Variants in LRRC53 observed in about 807,000 individuals in gnomAD.
The protein encoded by LRRC53 is leucine rich repeat containing 53.
LRRC53 carries 25 observed loss-of-function variants against 13.6 expected under a neutral mutation model. The ratio of observed to expected loss-of-function variants is 1.83; its 90% confidence interval spans 1.34 to 2.56. The LOEUF is 2.56. Ranked by LOEUF, LRRC53 falls within the 30% of genes most tolerant of loss-of-function variation. The pLI is 0.00. For missense variants in LRRC53, 527 were observed against 275.8 expected (o/e 1.91, Z -6.45); for synonymous variants, 204 against 109.8 (o/e 1.86, Z -5.37).
chr1:74,491,050 G>A (rs758280339), intron 1 of LRRC53, among the ~76,000 whole-genome samples: 1 of 152,164 alleles, frequency 6.6e-6, no homozygotes, highest in Non-Finnish European at 1.5e-5. Flanking sequence ...GTGGTATCCA[G>A]TTGTGTCTGT....
chr1:74,498,727 T>G (rs72977490), intron 1 of LRRC53, among the ~76,000 whole-genome samples: 2 of 151,936 alleles, frequency 1.3e-5, no homozygotes, highest in African/African-American at 4.8e-5. Flanking sequence ...TTTCCAGTCT[T>G]CCCCCCGACT....
intron 1 of LRRC53, among the ~76,000 whole-genome samples, chr1:74,509,589 T>A (rs140528499): frequency 1.3e-5 from 2 of 152,088 alleles, no homozygotes; most frequent in African/African-American, 4.8e-5. Flanking sequence ...GGACAATGAA[T>A]TATGAAATTA....
upstream of LRRC53, among the ~76,000 whole-genome samples, chr1:74,513,251 TA>T (rs1256134610): frequency 1.3e-5 from 2 of 152,094 alleles, no homozygotes; most frequent in Admixed American, 1.3e-4. Context: ...AGCTGATATT[TA>T]TTGAGAAATT....
At chr1:74,503,853 A>G (rs1669758265) in intron 1 of LRRC53, among the ~76,000 whole-genome samples, 1 of 152,194 alleles carries the variant, frequency 6.6e-6, no homozygotes, top group Admixed American at 6.5e-5. Context: ...GGGGCTGAAA[A>G]GGGAAATATA....
rs72969873 is a variant in LRRC53 at position 74,469,641 on chromosome 1, T to C, written c.*237A>G. 1.8e-3 allele frequency: 624 copies of C among 354,088 alleles called. 3 individuals are homozygous for C. The highest frequency in any genetic ancestry group is 0.012 in the African/African-American group (576 of 47,840). The allele number at this position is 354,088 out of a possible 1,614,324, so 21.9% of individuals were successfully genotyped here. A position where few individuals can be genotyped will look rare whatever the true frequency, so the allele number is the denominator to read the frequency against. ...TGGCAAAACTTTTCTTACTTGTTTT[T>C]TCATTCCTTAGAGAAGCATACTCAG... On this transcript the variant is annotated 3_prime_UTR_variant, in exon 5 of 5. Transcript: ENST00000294635.
At chr1:74,489,155 C>A in intron 1 of LRRC53, 1 of 1,590,316 alleles carries the variant, frequency 6.3e-7, no homozygotes, top group Non-Finnish European at 8.6e-7. Flanking sequence ...TCCTTTTATT[C>A]TTAAGGGAAA....
intron 1 of LRRC53, among the ~76,000 whole-genome samples, chr1:74,495,873 G>C (rs1166891715): frequency 6.6e-6 from 1 of 152,162 alleles, no homozygotes; most frequent in African/African-American, 2.4e-5. Flanking sequence ...TCCCAAGCCT[G>C]CCTTTTCAGC....
At chr1:74,487,683 C>A (rs1668836574) in intron 1 of LRRC53, among the ~76,000 whole-genome samples, 2 of 152,140 alleles carry the variant, frequency 1.3e-5, no homozygotes, top group African/African-American at 4.8e-5. Flanking sequence ...AGCAAAAAAA[C>A]AAGTAGGGAA....
the LRRC53 span, among the ~76,000 whole-genome samples, chr1:74,522,794 A>T: frequency 6.6e-6 from 1 of 151,942 alleles, no homozygotes; most frequent in African/African-American, 2.4e-5. Flanking sequence ...GAAAATCTGT[A>T]GTCTTTTTAC....
rs1226339569 is a variant in LRRC53, at chr1:74,480,134, A to G, written c.904+19T>C. The G allele has an allele frequency of 2.0e-5, 14 of 705,836 alleles. No individual in the cohort carries two copies. Among genetic ancestry groups the G allele is most frequent in the Non-Finnish European group, 3.7e-5 (14 of 380,142 alleles). 43.7% of individuals were successfully genotyped at this position (705,836 alleles called of 1,614,324 possible). ...ACAAGAGAAGAGAAAAGAGGAGGGCACACTTCTCCCCGGCATACCTGCGAA... is the reference window on the plus strand; with the variant it reads ...ACAAGAGAAGAGAAAAGAGGAGGGCGCACTTCTCCCCGGCATACCTGCGAA... On this transcript the variant is annotated intron_variant, in intron 3 of 4. Transcript: ENST00000294635.
the LRRC53 span, among the ~76,000 whole-genome samples, chr1:74,531,680 T>G: frequency 6.6e-6 from 1 of 152,218 alleles, no homozygotes; most frequent in South Asian, 2.1e-4. Flanking sequence ...CTCCACCTTT[T>G]CTTTGTATTA....
chr1:74,471,866 T>C lies in LRRC53; in HGVS notation c.1756A>G (p.Met586Val). 1 of 454,228 alleles carries C rather than the reference T, an allele frequency of 2.2e-6. No individual in the cohort carries two copies. Among genetic ancestry groups the C allele is most frequent in the South Asian group, 5.5e-5 (1 of 18,246 alleles). 28.1% of individuals were successfully genotyped at this position (454,228 alleles called of 1,614,324 possible). A position where few individuals can be genotyped will look rare whatever the true frequency, so the allele number is the denominator to read the frequency against. Residue 586 changes from methionine (M) to valine (V), a missense_variant, in exon 5 of 5, where the codon ATG becomes GTG. Met to Val is a conservative substitution (Grantham distance 21). Transcript: ENST00000294635. ...CTACGATTTGGCTTCTTTTCTTTCA[T>C]GTAATCTTCAAATTGCTCACAGGGC... ...YVPCEQFEDY[M>V]KEKKPNRRQH...
chr1:74,504,856 G>A (rs1211922339), intron 1 of LRRC53, among the ~76,000 whole-genome samples: 1 of 152,072 alleles, frequency 6.6e-6, no homozygotes, highest in African/African-American at 2.4e-5. Flanking sequence ...AACCCAAAGG[G>A]CGAGCCAGAG....
At chr1:74,526,491 A>G in the LRRC53 span, among the ~76,000 whole-genome samples, 1 of 152,174 alleles carries the variant, frequency 6.6e-6, no homozygotes, top group Non-Finnish European at 1.5e-5. Context: ...GACTTTGGCC[A>G]AGTTAGTTGA....
intron 1 of LRRC53, among the ~76,000 whole-genome samples, chr1:74,511,098 G>A (rs893268816): frequency 2.0e-5 from 3 of 152,158 alleles, no homozygotes; most frequent in Non-Finnish European, 2.9e-5. Flanking sequence ...ATGTTGGCCA[G>A]GCTGGTCTGG....
At chr1:74,532,462 CT>C in the LRRC53 span, among the ~76,000 whole-genome samples, 76,183 of 151,222 alleles carry the variant, frequency 0.5, 20,138 homozygotes, top group East Asian at 0.73. Flanking sequence ...TTATTTTTTT[CT>C]TTTTTTTCTT....
At chr1:74,515,582 G>T (rs79960968), upstream of LRRC53, among the ~76,000 whole-genome samples, 2,072 of 152,264 alleles carry the variant, frequency 0.014, 40 homozygotes, top group African/African-American at 0.045. Context: ...GTCAGGAAGA[G>T]ATTGCAAGTA....
intron 1 of LRRC53, among the ~76,000 whole-genome samples, chr1:74,505,524 A>G (rs1669848383): frequency 6.6e-6 from 1 of 152,234 alleles, no homozygotes; most frequent in Admixed American, 6.5e-5. Context: ...GGCTCTGAAC[A>G]GTTTAACAGG....
chr1:74,535,462 C>G, the LRRC53 span, among the ~76,000 whole-genome samples: 92 of 152,078 alleles, frequency 6.0e-4, no homozygotes, highest in African/African-American at 1.9e-3. Context: ...TGAGAGGGAC[C>G]GTGTCTCAAA....
Sources: gnomAD v4.1 joint callset for allele counts (sites outside exome capture counted in the v4.1 genomes callset) on GRCh38, gnomAD v4.1.1 for gene constraint, MANE v1.5 for transcripts, NCBI Gene and HGNC (gene_info 2026-07-23, HGNC 2026-07-21) for gene names.